TENM4: variants seen among roughly 807,000 people sequenced by gnomAD.
TENM4 encodes the protein teneurin-4.
TENM4 carries 82 observed loss-of-function variants against 243.3 expected under a neutral mutation model. That is an observed-to-expected ratio of 0.34 (90% confidence interval 0.28 to 0.40). The LOEUF is 0.40. Ranked by LOEUF, TENM4 falls within the 10% of genes least tolerant of loss-of-function variation. The probability of loss-of-function intolerance (pLI) is 1.00; values close to 1 mark genes in which losing one functional copy is unlikely to be tolerated. For missense variants in TENM4, 3,138 were observed against 3,673.3 expected (o/e 0.85, Z 3.77); for synonymous variants, 1,412 against 1,456.3 (o/e 0.97, Z 0.69).
At chr11:79,123,637 C>T (rs1861796346) in intron 4 of TENM4, among the ~76,000 whole-genome samples, 1 of 150,414 alleles carries the variant, frequency 6.6e-6, no homozygotes, top group Middle Eastern at 3.2e-3. Flanking sequence ...ACTGAGCACT[C>T]ACTGGGGGAC....
At position 79,286,664 on chromosome 11, in the gene TENM4, C is replaced by T. The variant is rs533277648; in HGVS notation, c.-265+10824G>A. Among the ~76,000 whole-genome samples the T allele has an allele frequency of 2.5e-3, 381 of 151,858 alleles. 3 individuals carry two copies. Among genetic ancestry groups the T allele is most frequent in the African/African-American group, 8.5e-3 (354 of 41,416 alleles). On this transcript the variant is annotated intron_variant, in intron 2 of 33. Transcript: ENST00000278550. ...AGCCTGGGCAACAAGAGCGAAACTC[C>T]GTCTCAAAAAAAAAATTTTTTTTTA...
chr11:78,951,628 T>C (rs1857110496), intron 6 of TENM4, among the ~76,000 whole-genome samples: 1 of 152,364 alleles, frequency 6.6e-6, no homozygotes, highest in East Asian at 1.9e-4. Flanking sequence ...GGCTTGTAGA[T>C]GGTCACTTTC....
intron 6 of TENM4, among the ~76,000 whole-genome samples, chr11:78,954,648 T>A (rs1270795522): frequency 1.3e-5 from 2 of 152,232 alleles, no homozygotes; most frequent in Non-Finnish European, 2.9e-5. Flanking sequence ...TACAGTTACC[T>A]TCTATTTATG....
chr11:78,659,706 C>T (rs536236883), intron 33 of TENM4, among the ~76,000 whole-genome samples: 12 of 152,236 alleles, frequency 7.9e-5, no homozygotes, highest in Non-Finnish European at 1.8e-4. Flanking sequence ...TCTGCCCCAC[C>T]GTGCTTCCTT....
intron 2 of TENM4, among the ~76,000 whole-genome samples, chr11:79,226,164 A>G (rs1429249785): frequency 6.6e-6 from 1 of 152,218 alleles, no homozygotes; most frequent in African/African-American, 2.4e-5. Context: ...CAATCCAAAC[A>G]CAACTGCATG....
chr11:78,775,319 T>C (rs999119566), intron 17 of TENM4, among the ~76,000 whole-genome samples: 2 of 152,210 alleles, frequency 1.3e-5, no homozygotes, highest in Non-Finnish European at 2.9e-5. Flanking sequence ...TGAGGCTGCC[T>C]GAAAATATCA....
rs750821001 is a variant in TENM4, at chr11:78,661,590, A to T, written c.7410T>A (p.Asp2470Glu). The change falls in exon 33 of 34, where the codon GAT (aspartate) becomes GAA (glutamate). Residue 2470 changes from aspartate to glutamate, a missense_variant and splice_region_variant. By Grantham distance (45) the Asp-to-Glu change is conservative (BLOSUM62 2). Transcript: ENST00000278550. ...CAAAGGTGAGCAGCCAGCTGTTAAC[A>T]TCTGGATGGGAGGGAAGCAGAAACA... ...NSQDIKCFMT[D>E]VNSWLLTFGF... 1.2e-6 allele frequency: 2 copies of T among 1,612,954 alleles called. No individual in the cohort carries two copies. The highest frequency in any genetic ancestry group is 4.5e-5 in the East Asian group (2 of 44,878).
intron 3 of TENM4, among the ~76,000 whole-genome samples, chr11:79,205,890 A>G (rs931321359): frequency 1.3e-5 from 2 of 152,234 alleles, no homozygotes; most frequent in African/African-American, 2.4e-5. Flanking sequence ...CTAATGTTGA[A>G]CCAACTCCAT....
chr11:79,417,650 T>A (rs571955929), intron 1 of TENM4, among the ~76,000 whole-genome samples: 1 of 152,232 alleles, frequency 6.6e-6, no homozygotes, highest in Admixed American at 6.5e-5. Context: ...TCCTGGATAA[T>A]GCTCATGACA....
At chr11:79,235,458 G>A (rs1191880801) in intron 2 of TENM4, among the ~76,000 whole-genome samples, 1 of 152,092 alleles carries the variant, frequency 6.6e-6, no homozygotes, top group African/African-American at 2.4e-5. Context: ...CTAGTCATGC[G>A]GCCTGACACA....
At chr11:78,890,503 G>A (rs1855638431) in intron 8 of TENM4, among the ~76,000 whole-genome samples, 1 of 152,166 alleles carries the variant, frequency 6.6e-6, no homozygotes, top group African/African-American at 2.4e-5. Flanking sequence ...ACTGAGGATT[G>A]GAATACCCTT....
At chr11:79,406,904 T>C (rs1001337624) in intron 1 of TENM4, among the ~76,000 whole-genome samples, 6 of 152,164 alleles carry the variant, frequency 3.9e-5, no homozygotes, top group Non-Finnish European at 8.8e-5. Context: ...ACAAAGCATA[T>C]CTGTATCAAA....
intron 18 of TENM4, among the ~76,000 whole-genome samples, chr11:78,757,643 A>C (rs1856340953): frequency 6.6e-6 from 1 of 152,222 alleles, no homozygotes; most frequent in African/African-American, 2.4e-5. Flanking sequence ...AATTAAGAGA[A>C]GTAGATGGTA....
chr11:78,913,694 T>C (rs1008298543), intron 6 of TENM4, among the ~76,000 whole-genome samples: 2 of 151,544 alleles, frequency 1.3e-5, no homozygotes, highest in African/African-American at 4.9e-5. Context: ...AAGCAGCTCA[T>C]GGAAATGTAG....
chr11:78,674,218 C>A (rs1016402316), intron 30 of TENM4, among the ~76,000 whole-genome samples: 1 of 152,134 alleles, frequency 6.6e-6, no homozygotes, highest in Non-Finnish European at 1.5e-5. Flanking sequence ...TCGGCAGTGG[C>A]GGCAATGAGA....
intron 16 of TENM4, among the ~76,000 whole-genome samples, chr11:78,783,169 G>T (rs1257469014): frequency 6.6e-6 from 1 of 152,060 alleles, no homozygotes; most frequent in Non-Finnish European, 1.5e-5. Context: ...AAAATTAAAC[G>T]CCTTGTTAAA....
At chr11:79,381,506 G>A (rs1482438106) in intron 1 of TENM4, among the ~76,000 whole-genome samples, 1 of 151,250 alleles carries the variant, frequency 6.6e-6, no homozygotes, top group Non-Finnish European at 1.5e-5. Flanking sequence ...CACCACTCAA[G>A]CGTTCATTCA....
intron 6 of TENM4, among the ~76,000 whole-genome samples, chr11:78,929,291 C>T (rs961345567): frequency 6.6e-6 from 1 of 152,166 alleles, no homozygotes; most frequent in South Asian, 2.1e-4. Context: ...CAAACTGCTT[C>T]CATGTGCGGC....
intron 2 of TENM4, among the ~76,000 whole-genome samples, chr11:79,271,657 C>T (rs1225795736): frequency 6.6e-6 from 1 of 152,216 alleles, no homozygotes; most frequent in Non-Finnish European, 1.5e-5. Context: ...CTTCACCTTC[C>T]ACTCTTCAAC....
Sources: allele counts gnomAD v4.1 joint callset (sites outside exome capture counted in the v4.1 genomes callset), GRCh38; gene constraint gnomAD v4.1.1; transcripts MANE v1.5; gene names NCBI Gene and HGNC (gene_info 2026-07-23, HGNC 2026-07-21).